Variants in SCOC observed in about 807,000 individuals in gnomAD.
SCOC encodes short coiled coil protein.
SCOC carries 7 observed loss-of-function variants against 9.9 expected under a neutral mutation model. The ratio of observed to expected loss-of-function variants is 0.71; its 90% CI spans 0.40 to 1.33. SCOC has a LOEUF of 1.33. Among genes scored for constraint, SCOC ranks in the 40% most tolerant of loss-of-function variants. The pLI is 0.01. For synonymous variants in SCOC, 19 were observed against 28.2 expected (o/e 0.67, Z 1.03); for missense variants, 66 against 89.7 (o/e 0.74, Z 1.07).
At chr4:140,333,598 T>C (rs961767101) in intron 1 of SCOC, among the ~76,000 whole-genome samples, 4 of 152,182 alleles carry the variant, frequency 2.6e-5, no homozygotes, top group East Asian at 1.9e-4. Context: ...GTAACTTATA[T>C]ACTGACTAAA....
At chr4:140,367,968 T>G (rs539298955) in intron 2 of SCOC, among the ~76,000 whole-genome samples, 1 of 152,206 alleles carries the variant, frequency 6.6e-6, no homozygotes, top group Non-Finnish European at 1.5e-5. Flanking sequence ...AATGTTATTT[T>G]ACACCATGTT....
At chr4:140,286,589 T>C (rs2126424728) in intron 1 of SCOC, among the ~76,000 whole-genome samples, 1 of 152,350 alleles carries the variant, frequency 6.6e-6, no homozygotes, top group South Asian at 2.1e-4. Flanking sequence ...TCATTTAAAA[T>C]GCAGTGCTGT....
chr4:140,346,364 A>G (rs1188122620), intron 2 of SCOC, among the ~76,000 whole-genome samples: 2 of 152,186 alleles, frequency 1.3e-5, no homozygotes, highest in African/African-American at 2.4e-5. Context: ...CTCTCACACA[A>G]GGACCACTTG....
At chr4:140,301,650 T>C (rs1440218946) in intron 1 of SCOC, among the ~76,000 whole-genome samples, 2 of 152,174 alleles carry the variant, frequency 1.3e-5, no homozygotes, top group Non-Finnish European at 2.9e-5. Flanking sequence ...CAGTCTTGCC[T>C]GGCTTAGAAA....
upstream of SCOC, among the ~76,000 whole-genome samples, chr4:140,342,030 T>G (rs1399192334): frequency 6.6e-6 from 1 of 152,182 alleles, no homozygotes; most frequent in Non-Finnish European, 1.5e-5. Flanking sequence ...CTATTTTATC[T>G]CATCTTTTTA....
At chr4:140,366,719 G>C in intron 2 of SCOC, 1 of 1,583,984 alleles carries the variant, frequency 6.3e-7, no homozygotes, top group South Asian at 1.1e-5. Flanking sequence ...GGCATGGTCT[G>C]TCTCCTCACT....
In SCOC at chr4:140,268,690, T is replaced by C. The variant is rs1730780650; in HGVS notation, c.-19+11280T>C. The stretch of plus-strand genomic sequence containing the variant: ...CAAAGGGAGTACAGCCCTGGAGACA[T>C]GAGAGAAGGCGTCATTCAGACTGCT... On this transcript the variant is annotated intron_variant, in intron 1 of 4. Transcript: ENST00000394205. Among the ~76,000 whole-genome samples, 5 of 152,258 alleles carry C rather than the reference T, an allele frequency of 3.3e-5. No homozygotes were observed. In the South Asian group the frequency reaches 1.0e-3, roughly 32 times the overall value.
intron 1 of SCOC, chr4:140,257,440 A>G (rs781128261): frequency 8.5e-5 from 13 of 152,300 alleles, no homozygotes; most frequent in African/African-American, 1.4e-4. Context: ...TTAGCTGGGC[A>G]CAGGCTTTGT....
At chr4:140,306,470 T>G (rs750349324) in intron 1 of SCOC, among the ~76,000 whole-genome samples, 2 of 151,628 alleles carry the variant, frequency 1.3e-5, no homozygotes, top group Non-Finnish European at 2.9e-5. Flanking sequence ...AGAAAATGAA[T>G]AGGGGAATCA....
chr4:140,356,372 G>A (rs1473322518), intron 2 of SCOC, among the ~76,000 whole-genome samples: 2 of 152,074 alleles, frequency 1.3e-5, no homozygotes, highest in Admixed American at 1.3e-4. Flanking sequence ...AATAACATCA[G>A]GAAAATGGCA....
chr4:140,361,466 C>G (rs1011843548), intron 2 of SCOC, among the ~76,000 whole-genome samples: 1 of 152,072 alleles, frequency 6.6e-6, no homozygotes, highest in Non-Finnish European at 1.5e-5. Context: ...GAGTTTGAGA[C>G]CAGCCTGGGC....
At chr4:140,362,301 T>TCTTCTTCTTCCTTC in intron 2 of SCOC, among the ~76,000 whole-genome samples, 1 of 29,410 alleles carries the variant, frequency 3.4e-5, no homozygotes, top group Non-Finnish European at 7.4e-5. Context: ...TTCTTCTTCT[T>TCTTCTTCTTCCTTC]TTTTTTTTTT....
At chr4:140,334,519 A>G (rs1354204502) in intron 1 of SCOC, among the ~76,000 whole-genome samples, 3 of 152,218 alleles carry the variant, frequency 2.0e-5, no homozygotes, top group Admixed American at 6.5e-5. Context: ...GAATATAATT[A>G]AGGGAAAATT....
chr4:140,263,300 A>G (rs1157635217), intron 1 of SCOC, among the ~76,000 whole-genome samples: 2 of 152,160 alleles, frequency 1.3e-5, no homozygotes, highest in Non-Finnish European at 2.9e-5. Flanking sequence ...CCACAGAGCA[A>G]TTTAGGACCA....
At chr4:140,290,177 C>A (rs1480690943) in intron 1 of SCOC, among the ~76,000 whole-genome samples, 1 of 152,222 alleles carries the variant, frequency 6.6e-6, no homozygotes, top group African/African-American at 2.4e-5. Context: ...ACTCTGGCTG[C>A]TGCAATTGTG....
upstream of SCOC, chr4:140,373,435 C>G: frequency 6.6e-7 from 1 of 1,522,946 alleles, no homozygotes; most frequent in South Asian, 1.3e-5. Context: ...AGGTCCCGCC[C>G]ACAGCGACCT....
intron 1 of SCOC, among the ~76,000 whole-genome samples, chr4:140,332,078 G>A (rs559409590): frequency 6.6e-6 from 1 of 152,092 alleles, no homozygotes; most frequent in African/African-American, 2.4e-5. Context: ...CTCTTATCAT[G>A]TGAACAGCAC....
chr4:140,375,575 A>G (rs1728310898), intron 1 of SCOC, among the ~76,000 whole-genome samples: 1 of 152,208 alleles, frequency 6.6e-6, no homozygotes, highest in Non-Finnish European at 1.5e-5. Context: ...GATAACTGTA[A>G]AATAAGATAG....
Position 140,381,237 on chromosome 4 carries a change from A to G in SCOC, c.*133A>G. On this transcript the variant is annotated 3_prime_UTR_variant, in exon 4 of 4. Coordinates refer to ENST00000608372, the MANE Select transcript of SCOC (RefSeq NM_001153484.2). ...TGAAGATAATGTCAGATGTAGACAA[A>G]AATAACACAATAACAGGAGACTTCC... 1 of 817,502 alleles carries G rather than the reference A, an allele frequency of 1.2e-6. No homozygotes were observed. Among genetic ancestry groups the G allele is most frequent in the Non-Finnish European group, 1.8e-6 (1 of 541,310 alleles). 50.6% of individuals were successfully genotyped at this position (817,502 alleles called of 1,614,324 possible).
Sources: allele counts gnomAD v4.1 joint callset (sites outside exome capture counted in the v4.1 genomes callset), GRCh38; gene constraint gnomAD v4.1.1; transcripts MANE v1.5; gene names NCBI Gene and HGNC (gene_info 2026-07-23, HGNC 2026-07-21).